The following SYNE1 variants were observed in gnomAD, a reference collection of about 807,000 sequenced individuals.
The protein encoded by SYNE1 is spectrin repeat containing nuclear envelope protein 1.
Under a neutral mutation model 1,111.0 loss-of-function variants are expected in SYNE1, and 616 were observed. The ratio of observed to expected loss-of-function variants is 0.55; its 90% CI spans 0.52 to 0.59. The LOEUF (loss-of-function observed/expected upper bound fraction) is 0.59, where lower values mean the gene tolerates loss of function less well. SYNE1 is among the 20% of genes least tolerant of loss of function. The pLI is 0.00. For missense variants in SYNE1, 10,006 were observed against 10,417.0 expected (o/e 0.96, Z 1.72); for synonymous variants, 3,855 against 3,825.8 (o/e 1.01, Z -0.28).
chr6:152,256,093 TG>T (rs2090746321), intron 102 of SYNE1, among the ~76,000 whole-genome samples: 1 of 147,102 alleles, frequency 6.8e-6, no homozygotes, highest in South Asian at 2.2e-4. Flanking sequence ...TGCAAGACTC[TG>T]AAAAAAATAA....
chr6:152,253,673 G>A (rs551401015), intron 104 of SYNE1, among the ~76,000 whole-genome samples: 1 of 152,034 alleles, frequency 6.6e-6, no homozygotes, highest in Non-Finnish European at 1.5e-5. Context: ...AAAATATTTT[G>A]TGAATAAAAA....
At chr6:152,327,359 T>C (rs1279572065) in intron 78 of SYNE1, among the ~76,000 whole-genome samples, 1 of 152,010 alleles carries the variant, frequency 6.6e-6, no homozygotes, top group East Asian at 1.9e-4. Flanking sequence ...CAAACTGGCA[T>C]TTACCAGACC....
At chr6:152,510,059 G>A (rs1179584495) in intron 8 of SYNE1, 134 bp downstream of exon 8, 3 of 903,568 alleles carry the variant, frequency 3.3e-6, no homozygotes, top group Non-Finnish European at 5.4e-6. Context: ...TTCAAGGCAA[G>A]AGTGAAATAA....
chr6:152,132,279 C>T lies in SYNE1; in HGVS notation c.26002-65G>A, dbSNP rs1437148794. On this transcript the variant is annotated intron_variant, in intron 143 of 145. Transcript: ENST00000367255. ...AGACCCATGGGGGCCCTCTGTTGCA[C>T]CACGTTATCTCCCACTCCATCTCCA... The T allele has an allele frequency of 2.3e-6, 3 of 1,322,826 alleles. No homozygotes were observed. In the South Asian group the frequency reaches 3.5e-5, roughly 16 times the overall value. The allele number at this position is 1,322,826 out of a possible 1,614,324, so 81.9% of individuals were successfully genotyped here. A position where few individuals can be genotyped will look rare whatever the true frequency, so the allele number is the denominator to read the frequency against.
At position 152,449,618 on chromosome 6, in the gene SYNE1, A is replaced by G. The variant is rs1352916426; in HGVS notation, c.3419T>C (p.Ile1140Thr). 1 of 1,613,782 alleles carries G rather than the reference A, an allele frequency of 6.2e-7. No homozygotes were observed. Among genetic ancestry groups the G allele is most frequent in the Non-Finnish European group, 8.5e-7 (1 of 1,179,664 alleles). The change falls in exon 28 of 146, where the codon ATA (isoleucine) becomes ACA (threonine). Residue 1140 changes from isoleucine (I) to threonine (T), a missense_variant. By Grantham distance (89) the Ile-to-Thr change is moderately conservative. Transcript: ENST00000367255. ...CTTTAATTGTGTCTCATTTGTAGAT[A>G]TCCAAGATGAGAACTCAGAGAATCT... Reference protein sequence around the residue: ...TSRFSEFSSWISTNETQLKGI... With the variant: ...TSRFSEFSSWTSTNETQLKGI...
intron 125 of SYNE1, among the ~76,000 whole-genome samples, chr6:152,206,844 T>C (rs1421099642): frequency 6.6e-6 from 1 of 152,080 alleles, no homozygotes; most frequent in Admixed American, 6.6e-5. Context: ...AAACTAAGTA[T>C]GGTTTTCAGT....
chr6:152,355,044 G>A (rs1255438684), intron 66 of SYNE1, 68 bp from the exon 67 acceptor site: 2 of 1,572,090 alleles, frequency 1.3e-6, no homozygotes, highest in African/African-American at 1.3e-5. Context: ...AGCATGTCTT[G>A]CCCAAGCCAA....
chr6:152,189,512 A>G (rs2071570313), intron 127 of SYNE1, 105 bp from the exon 128 acceptor site: 7 of 1,066,918 alleles, frequency 6.6e-6, no homozygotes, highest in Middle Eastern at 2.1e-4. Flanking sequence ...ATAGCCCTCA[A>G]TTTAAATATC....
intron 3 of SYNE1, among the ~76,000 whole-genome samples, chr6:152,554,347 A>G (rs2099358024): frequency 6.6e-6 from 1 of 152,010 alleles, no homozygotes; most frequent in Admixed American, 6.5e-5. Context: ...ACTACAGCCA[A>G]ACACTTGACC....
In SYNE1 at chr6:152,611,607, G is replaced by A. The variant is rs192891819; in HGVS notation, c.67+16658C>T. ...GATCAATGAGACAGAAGGTTAACAA[G>A]GATATCCAGGAATTGAACTCAGCTC... On this transcript the variant is annotated intron_variant, in intron 3 of 145. Coordinates refer to ENST00000367255, the MANE Select transcript of SYNE1 (RefSeq NM_182961.4). 9.4e-3 allele frequency among the ~76,000 whole-genome samples: 1,423 copies of A among 152,160 alleles called. 25 individuals are homozygous for A. Among genetic ancestry groups the A allele is most frequent in the African/African-American group, 0.032 (1,319 of 41,514 alleles).
At chr6:152,535,915 A>G (rs2099233183) in intron 4 of SYNE1, among the ~76,000 whole-genome samples, 1 of 152,186 alleles carries the variant, frequency 6.6e-6, no homozygotes, top group Non-Finnish European at 1.5e-5. Context: ...TCATCGTAAC[A>G]TAACTTCTTT....
At chr6:152,395,083 A>G (rs2097711356) in intron 51 of SYNE1, among the ~76,000 whole-genome samples, 1 of 149,636 alleles carries the variant, frequency 6.7e-6, no homozygotes, top group Admixed American at 6.6e-5. Context: ...GCACCTGGCA[A>G]GCACTCTTTT....
chr6:152,177,408 T>A (rs2066755191), intron 129 of SYNE1, among the ~76,000 whole-genome samples: 1 of 152,212 alleles, frequency 6.6e-6, no homozygotes, highest in Admixed American at 6.5e-5. Context: ...ATCAACTTTT[T>A]TATTTTTGGC....
chr6:152,526,242 C>A (rs1049495347), intron 4 of SYNE1, 67 bp from the exon 5 acceptor site: 1 of 1,495,156 alleles, frequency 6.7e-7, no homozygotes, highest in Non-Finnish European at 9.3e-7. Flanking sequence ...CTTTCTCTCT[C>A]TCACCTTTGT....
intron 10 of SYNE1, among the ~76,000 whole-genome samples, chr6:152,500,322 G>A (rs1214589357): frequency 1.3e-5 from 2 of 152,162 alleles, no homozygotes; most frequent in African/African-American, 4.8e-5. Context: ...TTTGCACATG[G>A]AGTCTTTGCT....
chr6:152,122,334 G>C lies in SYNE1; in HGVS notation c.*102C>G. The C allele has an allele frequency of 6.3e-7, 1 of 1,596,752 alleles. No homozygotes were observed. Among genetic ancestry groups the C allele is most frequent in the Non-Finnish European group, 8.6e-7 (1 of 1,167,604 alleles). On this transcript the variant is annotated 3_prime_UTR_variant, in exon 146 of 146. Transcript: ENST00000367255. Reference sequence around the variant, plus strand: ...GGAGGGCTAAAGCTGCCACACCGAGGGCTTTCGCCAAGATCAAGGTCCTCT... The same window carrying C: ...GGAGGGCTAAAGCTGCCACACCGAGCGCTTTCGCCAAGATCAAGGTCCTCT...
chr6:152,491,513 C>T (rs575296619), intron 11 of SYNE1, among the ~76,000 whole-genome samples: 10 of 152,150 alleles, frequency 6.6e-5, no homozygotes, highest in South Asian at 4.1e-4. Context: ...CTTCATCTCA[C>T]GCCTGACCTA....
At chr6:152,421,428 G>A (rs927245415) in intron 39 of SYNE1, among the ~76,000 whole-genome samples, 3 of 152,028 alleles carry the variant, frequency 2.0e-5, no homozygotes, top group Admixed American at 6.6e-5. Flanking sequence ...AGTATAATAA[G>A]ACTAAAATTT....
At chr6:152,340,892 CA>C in intron 74 of SYNE1, among the ~76,000 whole-genome samples, 1 of 152,238 alleles carries the variant, frequency 6.6e-6, no homozygotes, top group Non-Finnish European at 1.5e-5. Flanking sequence ...GATGGCCTGA[CA>C]GGGGGTGGTG....
Sources: gnomAD v4.1 joint callset for allele counts (sites outside exome capture counted in the v4.1 genomes callset) on GRCh38, gnomAD v4.1.1 for gene constraint, MANE v1.5 for transcripts, NCBI Gene and HGNC (gene_info 2026-07-23, HGNC 2026-07-21) for gene names.